PRKAR2A: variants seen among roughly 807,000 people sequenced by gnomAD.
PRKAR2A encodes cAMP-dependent protein kinase type II-alpha regulatory subunit.
Under a neutral mutation model 51.9 loss-of-function variants are expected in PRKAR2A, and 29 were observed. The observed-to-expected ratio is 0.56, with a 90% CI of 0.42 to 0.76. The LOEUF is 0.76. Among genes scored for constraint, PRKAR2A ranks in the 30% least tolerant of loss-of-function variants. The probability of loss-of-function intolerance (pLI) is 0.00; values close to 1 mark genes in which losing one functional copy is unlikely to be tolerated. For synonymous variants in PRKAR2A, 178 were observed against 186.2 expected (o/e 0.96, Z 0.36); for missense variants, 445 against 512.1 (o/e 0.87, Z 1.26).
Position 48,747,594 on chromosome 3 carries a change from T to A in PRKAR2A, c.*3991A>T, listed in dbSNP as rs2081579849. 2 of 152,202 alleles carry A rather than the reference T, an allele frequency of 1.3e-5. No homozygotes were observed. Among genetic ancestry groups the A allele is most frequent in the Admixed American group, 6.5e-5 (1 of 15,272 alleles). The allele number at this position is 152,202 out of a possible 1,614,324, so 9.4% of individuals were successfully genotyped here. A position where few individuals can be genotyped will look rare whatever the true frequency, so the allele number is the denominator to read the frequency against. On this transcript the variant is annotated 3_prime_UTR_variant, in exon 11 of 11. Transcript: ENST00000265563. ...ATTTCTGAGAGTCTACAGCAATATA[T>A]GTAACACAATTATATATGAAGACTA...
chr3:48,845,908 T>C (rs1300754674), intron 1 of PRKAR2A, among the ~76,000 whole-genome samples: 1 of 150,580 alleles, frequency 6.6e-6, no homozygotes, highest in Non-Finnish European at 1.5e-5. Flanking sequence ...ATTGTGCCAC[T>C]ACACCCCAGC....
At chr3:48,781,336 C>T (rs539717719) in intron 5 of PRKAR2A, among the ~76,000 whole-genome samples, 1 of 150,798 alleles carries the variant, frequency 6.6e-6, no homozygotes, top group Admixed American at 6.6e-5. Flanking sequence ...CCTAGGGAAC[C>T]TGTATTTACA....
intron 5 of PRKAR2A, among the ~76,000 whole-genome samples, chr3:48,781,934 C>T (rs911598840): frequency 2.0e-5 from 3 of 152,190 alleles, no homozygotes; most frequent in African/African-American, 7.2e-5. Context: ...GCATGAGCCA[C>T]CGCACCAGGC....
intron 1 of PRKAR2A, among the ~76,000 whole-genome samples, chr3:48,828,440 G>A (rs2083105184): frequency 6.6e-6 from 1 of 152,044 alleles, no homozygotes; most frequent in Non-Finnish European, 1.5e-5. Flanking sequence ...TTTGCTGGAT[G>A]GGAATGGTGG....
intron 3 of PRKAR2A, among the ~76,000 whole-genome samples, chr3:48,791,809 A>G (rs1475385477): frequency 1.4e-5 from 2 of 146,354 alleles, no homozygotes; most frequent in African/African-American, 5.0e-5. Flanking sequence ...AGGCTGAGGC[A>G]GGAGAATCGC....
At position 48,751,660 on chromosome 3, in the gene PRKAR2A, C is replaced by A. The variant is rs1447244254; in HGVS notation, c.1140G>T (p.Arg380Ser). Residue 380 changes from arginine to serine, a missense_variant, in exon 11 of 11, where the codon AGG becomes AGT. Coordinates refer to ENST00000265563, the MANE Select transcript of PRKAR2A (RefSeq NM_004157.4). ...GCTGTTCCTCATAGTGTGAGATGTT[C>A]CTCTTCATGATGTCCATGCAGGGCC... The part of the protein sequence containing the change: ...LLGPCMDIMK[R>S]NISHYEEQLV... 6.2e-7 allele frequency: 1 copy of A among 1,614,060 alleles called. No homozygotes were observed. The highest frequency in any genetic ancestry group is 8.5e-7 in the Non-Finnish European group (1 of 1,179,954).
In PRKAR2A at chr3:48,791,766, G is replaced by A. The variant is rs1310916131; in HGVS notation, c.352-1139C>T. 2.0e-5 allele frequency among the ~76,000 whole-genome samples: 3 copies of A among 151,156 alleles called. No homozygotes were observed. In the East Asian group the frequency reaches 5.9e-4, roughly 29 times the overall value. On this transcript the variant is annotated intron_variant, in intron 3 of 10. Transcript: ENST00000265563. Reference sequence around the variant, plus strand: ...TAAAAATACAAAATTACCCGGGCATGGTGGCACATGCCTGTAATCCCAGCT... The same window carrying A: ...TAAAAATACAAAATTACCCGGGCATAGTGGCACATGCCTGTAATCCCAGCT...
intron 6 of PRKAR2A, among the ~76,000 whole-genome samples, chr3:48,766,399 C>A (rs2081942959): frequency 6.6e-6 from 1 of 150,524 alleles, no homozygotes; most frequent in Admixed American, 6.6e-5. Flanking sequence ...GAAACCCCAT[C>A]TCTACAGAAA....
At chr3:48,760,304 C>A (rs2081844573) in intron 8 of PRKAR2A, among the ~76,000 whole-genome samples, 1 of 152,078 alleles carries the variant, frequency 6.6e-6, no homozygotes, top group East Asian at 1.9e-4. Flanking sequence ...TTGTAGTCAG[C>A]CGAGATTGTG....
At chr3:48,758,164 A>G (rs1236786616) in intron 8 of PRKAR2A, among the ~76,000 whole-genome samples, 2 of 152,130 alleles carry the variant, frequency 1.3e-5, no homozygotes, top group East Asian at 3.9e-4. Context: ...AGACTGAGGC[A>G]CAAGAATCAC....
intron 2 of PRKAR2A, among the ~76,000 whole-genome samples, chr3:48,795,379 A>G (rs1246153445): frequency 6.6e-6 from 1 of 151,024 alleles, no homozygotes; most frequent in Non-Finnish European, 1.5e-5. Flanking sequence ...AAGTACAAAG[A>G]AAAAAAACCT....
At chr3:48,807,029 C>T (rs185110992) in intron 2 of PRKAR2A, among the ~76,000 whole-genome samples, 6 of 152,248 alleles carry the variant, frequency 3.9e-5, no homozygotes, top group African/African-American at 1.2e-4. Flanking sequence ...CCAAGACCTC[C>T]CAAAGTACTG....
intron 1 of PRKAR2A, among the ~76,000 whole-genome samples, chr3:48,809,158 T>G (rs1314023530): frequency 6.6e-6 from 1 of 152,202 alleles, no homozygotes; most frequent in African/African-American, 2.4e-5. Flanking sequence ...ATAAAGTACC[T>G]GGAGAAAATG....
chr3:48,838,252 A>C (rs894462279), intron 1 of PRKAR2A, among the ~76,000 whole-genome samples: 2 of 152,134 alleles, frequency 1.3e-5, no homozygotes, highest in East Asian at 3.9e-4. Context: ...TGGTAGAGAC[A>C]AAAGTAGATT....
At chr3:48,807,018 G>A (rs2082684763) in intron 2 of PRKAR2A, among the ~76,000 whole-genome samples, 1 of 152,012 alleles carries the variant, frequency 6.6e-6, no homozygotes, top group Non-Finnish European at 1.5e-5. Context: ...TGATCCACCC[G>A]CCAAGACCTC....
At chr3:48,761,186 G>A (rs2081858708) in intron 8 of PRKAR2A, among the ~76,000 whole-genome samples, 1 of 152,078 alleles carries the variant, frequency 6.6e-6, no homozygotes, top group Admixed American at 6.6e-5. Flanking sequence ...GGAGGCTGAG[G>A]CAGGAGAATG....
intron 1 of PRKAR2A, among the ~76,000 whole-genome samples, chr3:48,834,034 T>TAAA (rs569678133): frequency 9.6e-6 from 1 of 104,476 alleles, no homozygotes; most frequent in Non-Finnish European, 2.0e-5. Context: ...GACTCCGTCT[T>TAAA]AAAAAAAAAA....
At chr3:48,827,559 A>G (rs2083089323) in intron 1 of PRKAR2A, among the ~76,000 whole-genome samples, 1 of 152,188 alleles carries the variant, frequency 6.6e-6, no homozygotes, top group Admixed American at 6.5e-5. Flanking sequence ...ACAGCCTACA[A>G]CACACCTAGA....
chr3:48,789,882 T>C (rs1457502473), intron 4 of PRKAR2A, among the ~76,000 whole-genome samples: 2 of 151,974 alleles, frequency 1.3e-5, no homozygotes, highest in South Asian at 2.1e-4. Flanking sequence ...TTCTTCCTTT[T>C]CTTTCTCTCT....
Sources: allele counts gnomAD v4.1 joint callset (sites outside exome capture counted in the v4.1 genomes callset), GRCh38; gene constraint gnomAD v4.1.1; transcripts MANE v1.5; gene names NCBI Gene and HGNC (gene_info 2026-07-23, HGNC 2026-07-21).